The following NCAPD2 variants were observed in gnomAD, a reference collection of about 807,000 sequenced individuals.
NCAPD2 encodes the protein non-SMC condensin I complex subunit D2, also known as condensin complex subunit 1.
In NCAPD2, 100 loss-of-function variants were observed where a neutral mutation model predicts 164.5. That is an observed-to-expected ratio of 0.61 (90% confidence interval 0.52 to 0.72). NCAPD2 has a LOEUF of 0.72. Among genes scored for constraint, NCAPD2 ranks in the 30% least tolerant of loss-of-function variants. The pLI is 0.00. For synonymous variants in NCAPD2, 585 were observed against 642.6 expected (o/e 0.91, Z 1.36); for missense variants, 1,560 against 1,749.2 (o/e 0.89, Z 1.93).
chr12:6,529,774 G>C lies in NCAPD2; in HGVS notation c.3654-1G>C. Reference sequence around the variant, plus strand: ...CCTCACAAAGCCCTTCCTATCTGCAGAACTGAGCGGCAGCAGCGAGACCTG... The same window carrying C: ...CCTCACAAAGCCCTTCCTATCTGCACAACTGAGCGGCAGCAGCGAGACCTG... On this transcript the variant is annotated splice_acceptor_variant, in intron 28 of 31. Transcript: ENST00000315579. LOFTEE classifies it high-confidence loss of function. The C allele has an allele frequency of 6.2e-7, 1 of 1,611,900 alleles. No homozygotes were observed. Among genetic ancestry groups the C allele is most frequent in the South Asian group, 1.1e-5 (1 of 90,840 alleles).
chr12:6,521,699 A>G (rs1212769868), intron 14 of NCAPD2, 99 bp from the exon 15 acceptor site: 6 of 1,438,058 alleles, frequency 4.2e-6, no homozygotes, highest in East Asian at 2.3e-5. Flanking sequence ...AGAAAAGAAG[A>G]AGGAAAATAA....
chr12:6,514,751 C>T, intron 8 of NCAPD2, 22 bp from the exon 9 acceptor site: 1 of 1,613,578 alleles, frequency 6.2e-7, no homozygotes, highest in Non-Finnish European at 8.5e-7. Context: ...GTTGCTATGG[C>T]TGTGTTTTCT....
chr12:6,495,008 G>T, intron 1 of NCAPD2, 68 bp from the exon 2 acceptor site: 1 of 1,506,882 alleles, frequency 6.6e-7, no homozygotes, highest in South Asian at 1.2e-5. Flanking sequence ...GGATGGGAAA[G>T]TAATAGAACC....
At chr12:6,505,542 A>C (rs1484020740) in intron 2 of NCAPD2, among the ~76,000 whole-genome samples, 1 of 152,186 alleles carries the variant, frequency 6.6e-6, no homozygotes, top group Non-Finnish European at 1.5e-5. Context: ...GTTATGATTT[A>C]ATACTGCATC....
At chr12:6,509,419 ACC>A (rs1202096947) in intron 2 of NCAPD2, among the ~76,000 whole-genome samples, 4 of 151,756 alleles carry the variant, frequency 2.6e-5, no homozygotes, top group Non-Finnish European at 5.9e-5. Context: ...CTGCTACCAC[ACC>A]CAGCCAATTT....
intron 21 of NCAPD2, 33 bp downstream of exon 21, chr12:6,526,648 C>G (rs753501009): frequency 5.0e-6 from 8 of 1,601,144 alleles, no homozygotes; most frequent in Non-Finnish European, 6.8e-6. Context: ...ACTGCGGCAG[C>G]CAGCTTCTGT....
In NCAPD2 at chr12:6,529,094, CAG is replaced by C. The variant is rs1326323070; in HGVS notation, c.3572+57_3572+58del. 6 of 1,469,436 alleles carry C rather than the reference CAG, an allele frequency of 4.1e-6. No homozygotes were observed. The East Asian group carries it at 1.4e-4, about 33-fold the overall frequency. The allele number at this position is 1,469,436 out of a possible 1,614,324, so 91.0% of individuals were successfully genotyped here. On this transcript the variant is annotated intron_variant, in intron 27 of 31. Coordinates refer to ENST00000315579, the MANE Select transcript of NCAPD2 (RefSeq NM_014865.4). Reference sequence around the variant, plus strand: ...TTCCACATAGCACGGGCTTAGGAATCAGACACACCTGTATTTGAATTCCACCT... The same window carrying C: ...TTCCACATAGCACGGGCTTAGGAATCACACACCTGTATTTGAATTCCACCT...
intron 6 of NCAPD2, among the ~76,000 whole-genome samples, chr12:6,513,715 C>CTTTTTTTTTTTTTTTTT (rs71067124): frequency 0.018 from 1,335 of 74,816 alleles, 330 homozygotes; most frequent in Non-Finnish European, 0.025. Flanking sequence ...GTGACTTTGT[C>CTTTTTTTTTTTTTTTTT]TTTTTTTTTT....
At chr12:6,522,604 A>AT (rs891082487) in intron 15 of NCAPD2, among the ~76,000 whole-genome samples, 6 of 152,062 alleles carry the variant, frequency 3.9e-5, no homozygotes, top group African/African-American at 1.4e-4. Flanking sequence ...GAAAAAAAAA[A>AT]GGCAGGGGTT....
In NCAPD2 at chr12:6,518,503, A is replaced by AGTTTTTTTTTTTTTTT. The variant is rs1365042183; in HGVS notation, c.1589+545_1589+560dup. 5.0e-3 allele frequency among the ~76,000 whole-genome samples: 153 copies of AGTTTTTTTTTTTTTTT among 30,706 alleles called. 17 individuals are homozygous for AGTTTTTTTTTTTTTTT. Among genetic ancestry groups the AGTTTTTTTTTTTTTTT allele is most frequent in the African/African-American group, 0.028 (142 of 5,116 alleles). The allele number at this position is 30,706 out of a possible 152,430, so 20.1% of individuals were successfully genotyped here. ...ACAAAAGCCCTTACAGCCGTCAACA[A>AGTTTTTTTTTTTTTTT]GTTTTTTTTTTTTTTTTTTTTTTTT... On this transcript the variant is annotated intron_variant, in intron 13 of 31. Transcript: ENST00000315579.
At chr12:6,522,116 T>C in intron 15 of NCAPD2, 79 bp downstream of exon 15, 1 of 1,462,178 alleles carries the variant, frequency 6.8e-7, no homozygotes, top group Non-Finnish European at 9.2e-7. Flanking sequence ...TTATTAACAA[T>C]AGAGATGGGG....
At chr12:6,516,678 T>A in intron 9 of NCAPD2, 150 bp from the exon 10 acceptor site, 1 of 761,788 alleles carries the variant, frequency 1.3e-6, no homozygotes, top group Non-Finnish European at 2.1e-6. Context: ...GTTCTAGCAT[T>A]CTCTGAGCAA....
At chr12:6,529,181 C>T in intron 27 of NCAPD2, 142 bp downstream of exon 27, 1 of 727,104 alleles carries the variant, frequency 1.4e-6, no homozygotes, top group Non-Finnish European at 2.3e-6. Flanking sequence ...GTGCCTATTT[C>T]CTCTTCTTTT....
Position 6,517,111 on chromosome 12 carries a change from G to T in NCAPD2, c.1185+86G>T. On this transcript the variant is annotated intron_variant, in intron 10 of 31. Coordinates refer to ENST00000315579, the MANE Select transcript of NCAPD2 (RefSeq NM_014865.4). ...AATCCAGTGTTGAAGATAAATATCT[G>T]CCCCAAAGAGGTCTAGAATTCACAT... is the stretch of plus-strand genomic sequence containing the variant. The T allele has an allele frequency of 2.1e-6, 3 of 1,462,228 alleles. No homozygotes were observed. The South Asian group carries it at 3.5e-5, about 17-fold the overall frequency. 90.6% of individuals were successfully genotyped at this position (1,462,228 alleles called of 1,614,324 possible).
rs1205972892 is a variant in NCAPD2, at chr12:6,523,364, C to T, written c.2214+18C>T. ...AGGAAATTGTAAGGCTTCCTGCTTT[C>T]TCTTTCTTTATTCATTCAACAAGTA... On this transcript the variant is annotated intron_variant, in intron 17 of 31. Coordinates refer to ENST00000315579, the MANE Select transcript of NCAPD2 (RefSeq NM_014865.4). 1.4e-6 allele frequency: 2 copies of T among 1,425,614 alleles called. No individual in the cohort carries two copies. Among genetic ancestry groups the T allele is most frequent in the Non-Finnish European group, 2.0e-6 (2 of 1,024,920 alleles). The allele number at this position is 1,425,614 out of a possible 1,614,324, so 88.3% of individuals were successfully genotyped here.
At chr12:6,513,063 C>T (rs1272543963) in intron 6 of NCAPD2, among the ~76,000 whole-genome samples, 4 of 151,888 alleles carry the variant, frequency 2.6e-5, no homozygotes, top group Middle Eastern at 6.8e-3. Flanking sequence ...TTATTAGCCA[C>T]GTAAAGTCAG....
Position 6,495,201 on chromosome 12 carries a change from A to T in NCAPD2, c.103A>T (p.Lys35Ter), listed in dbSNP as rs1945966483. ...TGTTGTGCAAGAGGTACTGTCCATC[A>T]AACATCTTCCACCACAGCTTAGAGG... Reference protein sequence around the residue: ...QYVVQEVLSIKHLPPQLRAFQ... With the variant: ...QYVVQEVLSI The change falls in exon 2 of 32, where the codon AAA becomes TAA. Residue 35 changes from lysine to a stop codon, truncating the protein, a stop_gained. Coordinates refer to ENST00000315579, the MANE Select transcript of NCAPD2 (RefSeq NM_014865.4). LOFTEE classifies it high-confidence loss of function. 1.2e-6 allele frequency: 2 copies of T among 1,614,066 alleles called. No homozygotes were observed. Among genetic ancestry groups the T allele is most frequent in the African/African-American group, 2.7e-5 (2 of 74,946 alleles).
In NCAPD2 at chr12:6,531,674, G is replaced by A. The variant is rs994292992; in HGVS notation, c.*262G>A. The A allele has an allele frequency of 2.0e-5, 10 of 489,714 alleles. No homozygotes were observed. Among genetic ancestry groups the A allele is most frequent in the African/African-American group, 6.0e-5 (3 of 50,216 alleles). 30.3% of individuals were successfully genotyped at this position (489,714 alleles called of 1,614,324 possible). ...TAAAAAATTAGCCGGGCGTATTGGC[G>A]TGCGCCTGTAATCCCAGCTACTCAA... On this transcript the variant is annotated 3_prime_UTR_variant, in exon 32 of 32. Coordinates refer to ENST00000315579, the MANE Select transcript of NCAPD2 (RefSeq NM_014865.4). The surrounding 1 kb of genome is among the most constrained non-coding windows in gnomAD (Gnocchi z 4.1).
At chr12:6,523,457 G>A in intron 17 of NCAPD2, 111 bp downstream of exon 17, 2 of 875,896 alleles carry the variant, frequency 2.3e-6, no homozygotes, top group Non-Finnish European at 3.4e-6. Context: ...GAGTGCAATG[G>A]CACAATCTTG....
Sources: gnomAD v4.1 joint callset for allele counts (sites outside exome capture counted in the v4.1 genomes callset) on GRCh38, gnomAD v4.1.1 for gene constraint, Gnocchi (gnomAD v3.1) non-coding constraint, MANE v1.5 for transcripts, NCBI Gene and HGNC (gene_info 2026-07-23, HGNC 2026-07-21) for gene names.